Variants in ADD3 observed in about 807,000 individuals in gnomAD.
The protein encoded by ADD3 is gamma-adducin.
In ADD3, 25 loss-of-function variants were observed where a neutral mutation model predicts 80.2. That is an observed-to-expected ratio of 0.31 (90% CI 0.23 to 0.44). The LOEUF (loss-of-function observed/expected upper bound fraction) is 0.44. Ranked by LOEUF, ADD3 falls within the 20% of genes least tolerant of loss-of-function variation. The probability of loss-of-function intolerance (pLI) is 1.00; values close to 1 mark genes in which losing one functional copy is unlikely to be tolerated. For synonymous variants in ADD3, 284 were observed against 289.6 expected, an observed-to-expected ratio of 0.98 and a Z score of 0.20; for missense variants, 829 against 847.5, an observed-to-expected ratio of 0.98 and a Z score of 0.27.
At chr10:110,123,631 A>T (rs887004320) in intron 9 of ADD3, among the ~76,000 whole-genome samples, 1 of 152,084 alleles carries the variant, frequency 6.6e-6, no homozygotes, top group South Asian at 2.1e-4. Flanking sequence ...TTTAGATTTT[A>T]CCCTCTTCTG....
chr10:109,997,309 G>T, intron 1 of ADD3, among the ~76,000 whole-genome samples: 1 of 152,198 alleles, frequency 6.6e-6, no homozygotes, highest in Admixed American at 6.5e-5. Flanking sequence ...TCAGAAGAGG[G>T]TGGGGTGCCA....
intron 4 of ADD3, among the ~76,000 whole-genome samples, chr10:110,116,937 C>T (rs1429781270): frequency 1.3e-5 from 2 of 152,202 alleles, no homozygotes; most frequent in Non-Finnish European, 2.9e-5. Flanking sequence ...TTTCCACCTT[C>T]CATCTTTATT....
At chr10:110,028,989 C>T (rs1854658411) in intron 1 of ADD3, among the ~76,000 whole-genome samples, 2 of 151,844 alleles carry the variant, frequency 1.3e-5, no homozygotes, top group African/African-American at 4.8e-5. Flanking sequence ...AAGCAGTTCT[C>T]ATGCCTCAGC....
upstream of ADD3, among the ~76,000 whole-genome samples, chr10:110,005,316 T>C (rs1311896554): frequency 6.6e-6 from 1 of 152,186 alleles, no homozygotes; most frequent in East Asian, 1.9e-4. Context: ...TGCCTCAGCC[T>C]CCCAAAGTGC....
chr10:110,092,089 G>A (rs1489153256), intron 1 of ADD3, among the ~76,000 whole-genome samples: 1 of 152,190 alleles, frequency 6.6e-6, no homozygotes, highest in African/African-American at 2.4e-5. Flanking sequence ...GAAAATAACA[G>A]ATGTTGGCGA....
chr10:110,068,730 A>G (rs1449658726), intron 1 of ADD3, among the ~76,000 whole-genome samples: 1 of 152,168 alleles, frequency 6.6e-6, no homozygotes. Flanking sequence ...GTGTGAATTC[A>G]TTAGTATAAA....
chr10:110,000,793 A>G (rs1049676865), intron 1 of ADD3, among the ~76,000 whole-genome samples: 1 of 152,180 alleles, frequency 6.6e-6, no homozygotes, highest in Non-Finnish European at 1.5e-5. Context: ...CAGTTCCTTA[A>G]TCTGTACAAT....
chr10:110,069,452 C>A (rs1274656670), intron 1 of ADD3, among the ~76,000 whole-genome samples: 1 of 152,094 alleles, frequency 6.6e-6, no homozygotes. Flanking sequence ...TTTTTCAATC[C>A]ACAAAAGTAA....
At chr10:110,121,574 G>T (rs1265306843) in intron 8 of ADD3, among the ~76,000 whole-genome samples, 2 of 152,062 alleles carry the variant, frequency 1.3e-5, no homozygotes, top group Non-Finnish European at 2.9e-5. Context: ...AGGGGGAAAA[G>T]AACAACTAAA....
At chr10:110,022,851 G>A (rs574354231) in intron 1 of ADD3, among the ~76,000 whole-genome samples, 5 of 151,736 alleles carry the variant, frequency 3.3e-5, no homozygotes, top group Admixed American at 3.3e-4. Flanking sequence ...CTGTTGGGGA[G>A]GAGGGTGAAT....
chr10:110,025,790 C>A (rs1854218019), intron 1 of ADD3, among the ~76,000 whole-genome samples: 3 of 152,262 alleles, frequency 2.0e-5, no homozygotes, highest in Middle Eastern at 3.4e-3. Context: ...TCCATTCATG[C>A]AATTCTGGGG....
chr10:110,038,069 CAAAAAAAAAAAA>C (rs754609555), intron 1 of ADD3, among the ~76,000 whole-genome samples: 2 of 43,892 alleles, frequency 4.6e-5, no homozygotes, highest in African/African-American at 1.3e-4. Flanking sequence ...AACTCCGTCT[CAAAAAAAAAAAA>C]AAAAAAAAAA....
chr10:110,095,507 T>G (rs1848042091), intron 1 of ADD3, among the ~76,000 whole-genome samples: 1 of 152,248 alleles, frequency 6.6e-6, no homozygotes, highest in South Asian at 2.1e-4. Context: ...TTACAATGTT[T>G]TCAAGGTTCA....
upstream of ADD3, among the ~76,000 whole-genome samples, chr10:110,003,292 G>GA (rs1851522526): frequency 9.7e-6 from 1 of 103,384 alleles, no homozygotes; most frequent in Non-Finnish European, 1.8e-5. Flanking sequence ...GTTAAATTGG[G>GA]AACAGTAAGG....
chr10:110,027,688 G>A (rs1214848834), intron 1 of ADD3, among the ~76,000 whole-genome samples: 1 of 152,126 alleles, frequency 6.6e-6, no homozygotes, highest in Non-Finnish European at 1.5e-5. Context: ...CCTCAGGTGA[G>A]AATTCCTCCA....
intron 1 of ADD3, among the ~76,000 whole-genome samples, chr10:110,013,444 T>C (rs1169830470): frequency 6.6e-6 from 1 of 152,184 alleles, no homozygotes; most frequent in Non-Finnish European, 1.5e-5. Flanking sequence ...CTCAATTTTT[T>C]CTGCAGTGGG....
chr10:110,011,017 A>G (rs771443566), intron 1 of ADD3, among the ~76,000 whole-genome samples: 5 of 152,140 alleles, frequency 3.3e-5, no homozygotes, highest in African/African-American at 4.8e-5. Flanking sequence ...GATACACAAC[A>G]TATGTTTAGG....
chr10:110,031,104 G>C (rs542266769), intron 1 of ADD3, among the ~76,000 whole-genome samples: 1 of 152,192 alleles, frequency 6.6e-6, no homozygotes, highest in Non-Finnish European at 1.5e-5. Flanking sequence ...AGGAAACACT[G>C]TCTCTACTAA....
Position 110,133,410 on chromosome 10 carries a change from T to A in ADD3, c.1913T>A (p.Val638Asp). Residue 638 changes from valine to aspartate, a missense_variant, in exon 15 of 15, where the codon GTT (valine) becomes GAT (aspartate). Val to Asp is a radical substitution (Grantham distance 152). Coordinates refer to ENST00000356080, the MANE Select transcript of ADD3 (RefSeq NM_016824.5). ...VVNGKDDMHD[V>D]EDELAKRVSR... is the part of the protein sequence containing the mutation. The stretch of plus-strand genomic sequence containing the variant: ...AATGGCAAGGATGATATGCATGATG[T>A]TGAAGATGAGCTTGCTAAGCGAGTG... 1 of 1,613,656 alleles carries A rather than the reference T, an allele frequency of 6.2e-7. No homozygotes were observed. The highest frequency in any genetic ancestry group is 8.5e-7 in the Non-Finnish European group (1 of 1,179,652).
Sources: allele counts gnomAD v4.1 joint callset (sites outside exome capture counted in the v4.1 genomes callset), GRCh38; gene constraint gnomAD v4.1.1; transcripts MANE v1.5; gene names NCBI Gene and HGNC (gene_info 2026-07-23, HGNC 2026-07-21).